RPN1: variants seen among roughly 807,000 people sequenced by gnomAD.
The protein encoded by RPN1 is dolichyl-diphosphooligosaccharide--protein glycosyltransferase subunit 1.
In RPN1, 12 loss-of-function variants were observed where a neutral mutation model predicts 55.5. The ratio of observed to expected loss-of-function variants is 0.22; its 90% CI spans 0.14 to 0.35. The LOEUF (loss-of-function observed/expected upper bound fraction) is 0.35. Among genes scored for constraint, RPN1 ranks in the 10% least tolerant of loss-of-function variants. The pLI, the probability that RPN1 is intolerant of heterozygous loss-of-function variation, is 1.00. For missense variants in RPN1, 679 were observed against 761.3 expected, an observed-to-expected ratio of 0.89 and a Z score of 1.27; for synonymous variants, 317 against 305.9, an observed-to-expected ratio of 1.04 and a Z score of -0.38.
Position 128,625,605 on chromosome 3 carries a change from C to T in RPN1, c.1324G>A (p.Val442Met). 6.2e-7 allele frequency: 1 copy of T among 1,614,084 alleles called. No homozygotes were observed. Among genetic ancestry groups the T allele is most frequent in the Non-Finnish European group, 8.5e-7 (1 of 1,180,010 alleles). The change falls in exon 8 of 10, where the codon GTG becomes ATG. Residue 442 changes from valine (V) to methionine (M), a missense_variant. By Grantham distance (21) the Val-to-Met change is conservative. This residue lies in a region of RPN1 where 306 missense variants were observed against 360.0 expected (regional missense o/e 0.85). Coordinates refer to ENST00000296255, the MANE Select transcript of RPN1 (RefSeq NM_002950.4). Reference protein sequence around the residue: ...KVLMLQEPLLVVAAFYILFFT... With the variant: ...KVLMLQEPLLMVAAFYILFFT... The stretch of plus-strand genomic sequence containing the variant: ...AACAGGATGTAGAAGGCCGCCACCA[C>T]CAGCAGGGGCTCCTGCAGCATGAGC...
In RPN1 at chr3:128,620,592, A is replaced by G; in HGVS notation, c.1643T>C (p.Val548Ala). Reference sequence around the variant, plus strand: ...TGCATCCAGCTTCTGCATTTCGCTCACCTGGCCGAGGCAAGAGCAGGGCAG... The same window carrying G: ...TGCATCCAGCTTCTGCATTTCGCTCGCCTGGCCGAGGCAAGAGCAGGGCAG... ...KTEGSDLCDR[V>A]SEMQKLDAQV... Residue 548 changes from valine (V) to alanine (A), a missense_variant and splice_region_variant, in exon 10 of 10, where the codon GTG (valine) becomes GCG (alanine). Physicochemically the swap from Val to Ala is moderately conservative, Grantham distance 64. Coordinates refer to ENST00000296255, the MANE Select transcript of RPN1 (RefSeq NM_002950.4). 6.2e-7 allele frequency: 1 copy of G among 1,612,534 alleles called. No individual in the cohort carries two copies. The highest frequency in any genetic ancestry group is 8.5e-7 in the Non-Finnish European group (1 of 1,179,132).
intron 9 of RPN1, 101 bp downstream of exon 9, chr3:128,622,063 G>A (rs774873212): frequency 2.0e-5 from 23 of 1,157,708 alleles, no homozygotes; most frequent in South Asian, 6.8e-5. Flanking sequence ...TATCCCACAA[G>A]CATGCAGGTA....
intron 3 of RPN1, among the ~76,000 whole-genome samples, chr3:128,636,954 A>G (rs775580182): frequency 2.6e-5 from 4 of 152,208 alleles, no homozygotes; most frequent in African/African-American, 7.2e-5. Flanking sequence ...TCTAGCAAAA[A>G]GGCCAGGGAC....
intron 1 of RPN1, 103 bp from the exon 2 acceptor site, chr3:128,645,086 A>G (rs2069756618): frequency 5.8e-6 from 4 of 684,592 alleles, no homozygotes; most frequent in Non-Finnish European, 1.0e-5. Context: ...AAGCAGTCAA[A>G]CTATCAGAAC....
chr3:128,634,755 G>A (rs1370876496), intron 3 of RPN1, among the ~76,000 whole-genome samples: 1 of 151,904 alleles, frequency 6.6e-6, no homozygotes, highest in East Asian at 1.9e-4. Flanking sequence ...TAGAGACGGG[G>A]TTTCACCATG....
intron 8 of RPN1, among the ~76,000 whole-genome samples, chr3:128,624,334 G>A (rs2069582714): frequency 6.6e-6 from 1 of 152,070 alleles, no homozygotes; most frequent in Non-Finnish European, 1.5e-5. Flanking sequence ...CAAAAAATTA[G>A]CCGGGCGTGG....
intron 3 of RPN1, among the ~76,000 whole-genome samples, chr3:128,634,680 G>A (rs1018938438): frequency 4.0e-5 from 6 of 150,938 alleles, no homozygotes; most frequent in African/African-American, 1.2e-4. Context: ...CTCCTGCCTC[G>A]GCCTCTCAAG....
At chr3:128,640,406 C>A (rs948550974) in intron 2 of RPN1, among the ~76,000 whole-genome samples, 1 of 152,130 alleles carries the variant, frequency 6.6e-6, no homozygotes, top group Non-Finnish European at 1.5e-5. Flanking sequence ...TTATCAGTCA[C>A]ACCATTATAT....
rs371587127 is a variant in RPN1, at chr3:128,635,640, G to T, written c.633+2159C>A. Among the ~76,000 whole-genome samples, 1,124 of 113,514 alleles carry T rather than the reference G, an allele frequency of 9.9e-3. 17 individuals carry two copies. Among genetic ancestry groups the T allele is most frequent in the African/African-American group, 0.024 (719 of 29,838 alleles). The allele number at this position is 113,514 out of a possible 152,430, so 74.5% of individuals were successfully genotyped here. ...ATATATATATATATATATATATATAGATATATATATATATATATATATATA... is the reference window on the plus strand; with the variant it reads ...ATATATATATATATATATATATATATATATATATATATATATATATATATA... On this transcript the variant is annotated intron_variant, in intron 3 of 9. Transcript: ENST00000296255.
chr3:128,624,891 C>T (rs2069587896), intron 8 of RPN1, among the ~76,000 whole-genome samples: 1 of 152,192 alleles, frequency 6.6e-6, no homozygotes, highest in Non-Finnish European at 1.5e-5. Context: ...CAAGCACCAG[C>T]TGTGCTCATC....
intron 3 of RPN1, among the ~76,000 whole-genome samples, chr3:128,634,484 G>A (rs550647954): frequency 1.3e-5 from 2 of 151,634 alleles, no homozygotes; most frequent in African/African-American, 4.8e-5. Flanking sequence ...CACGACTCAG[G>A]TACTAAAATG....
At chr3:128,644,623 G>A (rs951056984) in intron 2 of RPN1, 2 of 542,736 alleles carry the variant, frequency 3.7e-6, no homozygotes, top group South Asian at 1.5e-5. Flanking sequence ...TGGCACCACA[G>A]TAATGGAGCC....
chr3:128,622,481 A>AGTT, intron 8 of RPN1, 72 bp from the exon 9 acceptor site: 1 of 1,574,038 alleles, frequency 6.4e-7, no homozygotes, highest in South Asian at 1.1e-5. Context: ...CTCCCAAAGA[A>AGTT]CATCTGCCAC....
intron 8 of RPN1, among the ~76,000 whole-genome samples, chr3:128,625,037 G>C (rs1485671560): frequency 6.6e-6 from 1 of 152,170 alleles, no homozygotes; most frequent in Non-Finnish European, 1.5e-5. Context: ...AGAGCAAGAG[G>C]ATGACCTGAG....
intron 3 of RPN1, among the ~76,000 whole-genome samples, 167 bp from the exon 4 acceptor site, chr3:128,632,324 T>A (rs1261820769): frequency 1.3e-5 from 2 of 152,198 alleles, no homozygotes; most frequent in Non-Finnish European, 2.9e-5. Flanking sequence ...GACTTCTTGC[T>A]AACATATGGG....
intron 3 of RPN1, among the ~76,000 whole-genome samples, chr3:128,636,035 T>C (rs1163315507): frequency 1.3e-5 from 2 of 152,168 alleles, no homozygotes; most frequent in Non-Finnish European, 2.9e-5. Context: ...TACACATAAC[T>C]TGTTATATGT....
chr3:128,649,368 G>A (rs1232653050), intron 1 of RPN1, among the ~76,000 whole-genome samples: 1 of 152,072 alleles, frequency 6.6e-6, no homozygotes, highest in East Asian at 1.9e-4. Flanking sequence ...ATAAAGAACG[G>A]GATTTAACAT....
At chr3:128,639,733 G>A (rs974595098) in intron 2 of RPN1, among the ~76,000 whole-genome samples, 14 of 151,728 alleles carry the variant, frequency 9.2e-5, no homozygotes, top group East Asian at 4.1e-4. Context: ...GATTACAGGC[G>A]TCCGCCACCA....
At position 128,626,028 on chromosome 3, in the gene RPN1, A is replaced by C. The variant is rs773306169; in HGVS notation, c.1137-16T>G. 3.8e-6 allele frequency: 6 copies of C among 1,588,412 alleles called. No individual in the cohort carries two copies. The East Asian group carries it at 1.3e-4, about 36-fold the overall frequency. On this transcript the variant is annotated splice_polypyrimidine_tract_variant and intron_variant, in intron 6 of 9. Transcript: ENST00000296255. ...TTCAATGTTCCTGGAAGAAGATGGG[A>C]ATAAAATATAGCCTCCAACCAACTA...
Sources: allele counts gnomAD v4.1 joint callset (sites outside exome capture counted in the v4.1 genomes callset), GRCh38; gene constraint gnomAD v4.1.1; regional missense constraint gnomAD v4.1.1; transcripts MANE v1.5; gene names NCBI Gene and HGNC (gene_info 2026-07-23, HGNC 2026-07-21).